CACNA1E: variants seen among roughly 807,000 people sequenced by gnomAD.
CACNA1E encodes calcium voltage-gated channel subunit alpha1 E.
CACNA1E carries 40 observed loss-of-function variants against 259.2 expected under a neutral mutation model. That is an observed-to-expected ratio of 0.15 (90% CI 0.12 to 0.20). CACNA1E has a LOEUF of 0.20. Among genes scored for constraint, CACNA1E ranks in the 10% least tolerant of loss-of-function variants. The pLI, the probability that CACNA1E is intolerant of heterozygous loss-of-function variation, is 1.00. For missense variants in CACNA1E, 1,874 were observed against 3,040.1 expected (o/e 0.62, Z 9.02); for synonymous variants, 1,104 against 1,138.5 (o/e 0.97, Z 0.61).
intron 7 of CACNA1E, among the ~76,000 whole-genome samples, chr1:181,705,995 C>T (rs1213757704): frequency 1.3e-5 from 2 of 151,894 alleles, no homozygotes; most frequent in Non-Finnish European, 2.9e-5. Context: ...AATCTAGATG[C>T]ATCCCTTCTT....
At chr1:181,458,860 T>G (rs940421966) in intron 2 of CACNA1E, among the ~76,000 whole-genome samples, 4 of 146,070 alleles carry the variant, frequency 2.7e-5, no homozygotes, top group Non-Finnish European at 5.9e-5. Flanking sequence ...CATCCATCCA[T>G]CCATCCATCC....
At chr1:181,560,325 A>G (rs1338054859) in intron 3 of CACNA1E, among the ~76,000 whole-genome samples, 1 of 152,106 alleles carries the variant, frequency 6.6e-6, no homozygotes, top group African/African-American at 2.4e-5. Context: ...GATAATACAG[A>G]TAACTTGTAA....
Position 181,732,640 on chromosome 1 carries a change from C to A in CACNA1E, c.2554C>A (p.Arg852Ser). The change falls in exon 20 of 48, where the codon CGT becomes AGT. Residue 852 changes from arginine (R) to serine (S), a missense_variant. Around this residue, in one of 14 missense-constraint regions of CACNA1E, gnomAD observed 476 missense variants for 514.0 expected, o/e 0.93. Transcript: ENST00000367573. The surrounding 1 kb of genome is among the most constrained non-coding windows in gnomAD (Gnocchi z 5.5). ...LEKFEEERIS[R>S]GGSLKGDGGD... ...GAAGTTCGAGGAGGAGCGCATCAGC[C>A]GTGGGGGGTCCCTCAAGGGGGATGG... 3 of 1,499,016 alleles carry A rather than the reference C, an allele frequency of 2.0e-6. No individual in the cohort carries two copies. The highest frequency in any genetic ancestry group is 2.7e-6 in the Non-Finnish European group (3 of 1,125,728). 92.9% of individuals were successfully genotyped at this position (1,499,016 alleles called of 1,614,324 possible). A position where few individuals can be genotyped will look rare whatever the true frequency, so the allele number is the denominator to read the frequency against.
At chr1:181,566,961 C>T (rs1330923259) in intron 3 of CACNA1E, among the ~76,000 whole-genome samples, 2 of 151,912 alleles carry the variant, frequency 1.3e-5, no homozygotes, top group African/African-American at 4.8e-5. Context: ...TGGTTAGAGG[C>T]CAGAGATGCT....
intron 2 of CACNA1E, among the ~76,000 whole-genome samples, chr1:181,466,116 GT>G (rs1320837614): frequency 2.0e-5 from 3 of 152,170 alleles, no homozygotes; most frequent in Admixed American, 6.5e-5. Context: ...TTGCTGTAGA[GT>G]TGATTTTCAT....
chr1:181,798,339 C>G lies in CACNA1E; in HGVS notation c.6447C>G (p.Thr2149=). The G allele has an allele frequency of 6.2e-7, 1 of 1,608,790 alleles. No homozygotes were observed. Among genetic ancestry groups the G allele is most frequent in the South Asian group, 1.1e-5 (1 of 91,038 alleles). The stretch of plus-strand genomic sequence containing the variant: ...GCTCCATCCCCTCTGTCTCTGACAC[C>G]AGCACCCCAAGAAGAAGTCGTCGGC... The part of the protein sequence containing the change: ...SESSIPSVSD[T]STPRRSRRQL... The change falls in exon 48 of 48, where the codon ACC becomes ACG. Residue 2149 remains threonine (T), a synonymous_variant. Transcript: ENST00000367573. The surrounding 1 kb of genome is among the most constrained non-coding windows in gnomAD (Gnocchi z 4.2).
intron 3 of CACNA1E, among the ~76,000 whole-genome samples, chr1:181,561,214 A>G (rs1157510763): frequency 6.6e-6 from 1 of 152,330 alleles, no homozygotes; most frequent in East Asian, 1.9e-4. Flanking sequence ...TACACTAAAA[A>G]TGGTTTAAAA....
intron 16 of CACNA1E, among the ~76,000 whole-genome samples, chr1:181,723,106 A>C (rs1036588293): frequency 1.2e-4 from 18 of 152,212 alleles, no homozygotes; most frequent in Non-Finnish European, 2.2e-4. Context: ...GCTGTGTCAC[A>C]TTTTGTTAAA....
At chr1:181,513,602 A>G (rs1318532408) in intron 3 of CACNA1E, among the ~76,000 whole-genome samples, 2 of 152,224 alleles carry the variant, frequency 1.3e-5, no homozygotes, top group Admixed American at 1.3e-4. Context: ...GGGTCTGGGA[A>G]CTAATGGCTG....
intron 18 of CACNA1E, among the ~76,000 whole-genome samples, chr1:181,727,848 G>T (rs1399629947): frequency 6.6e-6 from 1 of 152,166 alleles, no homozygotes; most frequent in African/African-American, 2.4e-5. Context: ...GCCCTTGGTT[G>T]GCTAGAGTTC....
intron 6 of CACNA1E, among the ~76,000 whole-genome samples, chr1:181,623,723 A>C (rs928828307): frequency 6.6e-6 from 1 of 152,216 alleles, no homozygotes; most frequent in Non-Finnish European, 1.5e-5. Flanking sequence ...ATCGTGTCAA[A>C]AAAACATATC....
Position 181,685,883 on chromosome 1 carries a change from C to G in CACNA1E, c.1056-25071C>G, listed in dbSNP as rs141617153. 5.6e-3 allele frequency among the ~76,000 whole-genome samples: 859 copies of G among 152,222 alleles called. 6 individuals carry two copies. The highest frequency in any genetic ancestry group is 9.4e-3 in the Non-Finnish European group (642 of 68,004). On this transcript the variant is annotated intron_variant, in intron 7 of 47. Coordinates refer to ENST00000367573, the MANE Select transcript of CACNA1E (RefSeq NM_001205293.3). ...CCCTGTCCTTTATATTTTTTATCTC[C>G]TGCATCCTAGTTCTCTAAGTTTTAC...
chr1:181,505,588 A>T (rs1447763711), intron 1 of CACNA1E, among the ~76,000 whole-genome samples: 1 of 151,870 alleles, frequency 6.6e-6, no homozygotes, highest in Non-Finnish European at 1.5e-5. Flanking sequence ...GTTAGCCAGG[A>T]TGATCTTGAT....
chr1:181,567,979 C>A (rs1029794705), intron 3 of CACNA1E, among the ~76,000 whole-genome samples: 3 of 151,910 alleles, frequency 2.0e-5, no homozygotes, highest in Non-Finnish European at 4.4e-5. Context: ...ACACACACAT[C>A]TGGCTTGTGA....
intron 7 of CACNA1E, among the ~76,000 whole-genome samples, chr1:181,686,437 C>T (rs935847582): frequency 2.6e-5 from 4 of 151,956 alleles, no homozygotes; most frequent in African/African-American, 9.7e-5. Flanking sequence ...CAGGCATGCG[C>T]CACCATGCCT....
At chr1:181,610,887 AG>A (rs1265102369) in intron 6 of CACNA1E, among the ~76,000 whole-genome samples, 1 of 152,234 alleles carries the variant, frequency 6.6e-6, no homozygotes, top group Non-Finnish European at 1.5e-5. Flanking sequence ...CACTATGTAG[AG>A]GGCTTAAGTT....
chr1:181,657,867 G>GTGTT lies in CACNA1E; in HGVS notation c.1055+6431_1055+6434dup, dbSNP rs1404882303. On this transcript the variant is annotated intron_variant, in intron 7 of 47. Transcript: ENST00000367573. ...TCTTCTATATTTACTCATTCAGTGA[G>GTGTT]TGTTTGTTGGCATTCTTTGTTCGTG... Among the ~76,000 whole-genome samples the GTGTT allele has an allele frequency of 2.9e-4, 44 of 152,230 alleles. 1 individual carries two copies. The highest frequency in any genetic ancestry group is 4.4e-5 in the Non-Finnish European group (3 of 68,042).
At chr1:181,506,080 G>A (rs1294677156) in intron 1 of CACNA1E, among the ~76,000 whole-genome samples, 1 of 152,222 alleles carries the variant, frequency 6.6e-6, no homozygotes, top group Non-Finnish European at 1.5e-5. Context: ...AGTGTAATGA[G>A]TGTCACTGAA....
chr1:181,437,023 C>A (rs902205956), intron 2 of CACNA1E, among the ~76,000 whole-genome samples: 5 of 151,610 alleles, frequency 3.3e-5, no homozygotes, highest in African/African-American at 9.7e-5. Context: ...AATAGAAAAC[C>A]CCCAAAAAAG....
Sources: allele counts gnomAD v4.1 joint callset (sites outside exome capture counted in the v4.1 genomes callset), GRCh38; gene constraint gnomAD v4.1.1; regional missense constraint gnomAD v4.1.1; non-coding constraint Gnocchi (gnomAD v3.1); transcripts MANE v1.5; gene names NCBI Gene and HGNC (gene_info 2026-07-23, HGNC 2026-07-21).